The following PCDHGA1 variants were observed in gnomAD, a reference collection of about 807,000 sequenced individuals.
The protein encoded by PCDHGA1 is protocadherin gamma subfamily A, 1.
PCDHGA1 carries 32 observed loss-of-function variants against 58.0 expected under a neutral mutation model. The observed-to-expected ratio is 0.55, with a 90% CI of 0.42 to 0.74. The LOEUF (loss-of-function observed/expected upper bound fraction) is 0.74. Ranked by LOEUF, PCDHGA1 falls within the 30% of genes least tolerant of loss-of-function variation. PCDHGA1 has a pLI of 0.00. For missense variants in PCDHGA1, 1,205 were observed against 1,182.3 expected (o/e 1.02, Z -0.28); for synonymous variants, 498 against 501.1 (o/e 0.99, Z 0.08).
At chr5:141,428,066 A>T in intron 1 of PCDHGA1, 2 of 1,609,118 alleles carry the variant, frequency 1.2e-6, no homozygotes, top group Non-Finnish European at 1.7e-6. Context: ...CGGTGGACGC[A>T]GATTCGGGAC....
At position 141,486,209 on chromosome 5, in the gene PCDHGA1, A is replaced by G. The variant is rs749965379; in HGVS notation, c.2422-8598A>G. 1.2e-6 allele frequency: 2 copies of G among 1,614,080 alleles called. No homozygotes were observed. The highest frequency in any genetic ancestry group is 1.7e-6 in the Non-Finnish European group (2 of 1,179,988). ...AGTGGATCTGCTGGACGTAAATGAC[A>G]ATGCCCCTTACATCACAGTGACCTC... On this transcript the variant is annotated intron_variant, in intron 1 of 3. Transcript: ENST00000517417. The surrounding 1 kb of genome is among the most constrained non-coding windows in gnomAD (Gnocchi z 5.0).
At position 141,418,204 on chromosome 5, in the gene PCDHGA1, T is replaced by G. The variant is rs1456912993; in HGVS notation, c.2422-76603T>G. ...AAGCTGTGGTGGAAAATCCTTTAAATATTTTTCATGTCATTGTGGTGATTG... is the reference window on the plus strand; with the variant it reads ...AAGCTGTGGTGGAAAATCCTTTAAAGATTTTTCATGTCATTGTGGTGATTG... On this transcript the variant is annotated intron_variant, in intron 1 of 3. Transcript: ENST00000517417. The G allele has an allele frequency of 2.5e-6, 4 of 1,614,054 alleles. No homozygotes were observed. The East Asian group carries it at 8.9e-5, about 36-fold the overall frequency.
intron 1 of PCDHGA1, among the ~76,000 whole-genome samples, chr5:141,447,724 A>T (rs2098549653): frequency 6.6e-6 from 1 of 152,126 alleles, no homozygotes. Flanking sequence ...ATTTTCCAAA[A>T]CTCATTGAAC....
intron 1 of PCDHGA1, chr5:141,383,115 G>T: frequency 6.2e-7 from 1 of 1,614,078 alleles, no homozygotes; most frequent in Non-Finnish European, 8.5e-7. Flanking sequence ...GAGGTAGGAC[G>T]CAGCTTTTCG....
At chr5:141,423,712 T>C (rs1231796741) in intron 1 of PCDHGA1, 2 of 1,313,518 alleles carry the variant, frequency 1.5e-6, no homozygotes, top group Admixed American at 3.2e-5. Flanking sequence ...CACAAGTCTT[T>C]TAAGGAGATG....
chr5:141,419,415 C>A, intron 1 of PCDHGA1: 2 of 1,613,434 alleles, frequency 1.2e-6, no homozygotes, highest in Non-Finnish European at 1.7e-6. Flanking sequence ...GCGCAGCGCG[C>A]CTTCGACCAC....
At chr5:141,418,876 C>A (rs917800201) in intron 1 of PCDHGA1, 1 of 1,613,844 alleles carries the variant, frequency 6.2e-7, no homozygotes. Context: ...AAGTTGTAGA[C>A]GAAAACGACA....
At chr5:141,413,330 T>C (rs770842309) in intron 1 of PCDHGA1, 1 of 1,613,930 alleles carries the variant, frequency 6.2e-7, no homozygotes. Context: ...GTGGGCAACA[T>C]CTCCAAGGAC....
At chr5:141,355,372 G>A (rs554075435) in intron 1 of PCDHGA1, 1 of 1,614,030 alleles carries the variant, frequency 6.2e-7, no homozygotes, top group African/African-American at 1.3e-5. Context: ...GGCGCCCCGG[G>A]AGCTGGCGGA....
chr5:141,420,968 T>A (rs1031890748), intron 1 of PCDHGA1: 1 of 441,548 alleles, frequency 2.3e-6, no homozygotes, highest in Non-Finnish European at 4.0e-6. Context: ...GTTGCAATAA[T>A]AAGAATGGGC....
chr5:141,419,561 G>T, intron 1 of PCDHGA1: 1 of 1,611,846 alleles, frequency 6.2e-7, no homozygotes. Flanking sequence ...CCCTGCGCTG[G>T]GTCCCGACGG....
In PCDHGA1 at chr5:141,404,421, C is replaced by G. The variant is rs199749783; in HGVS notation, c.2421+71316C>G. On this transcript the variant is annotated intron_variant, in intron 1 of 3. Coordinates refer to ENST00000517417, the MANE Select transcript of PCDHGA1 (RefSeq NM_018912.3). ...AATGAGAATTCTAGAGTTATTTACT[C>G]CTTGGCAGAGGATACCATCCAAGGG... 462 of 1,613,692 alleles carry G rather than the reference C, an allele frequency of 2.9e-4. 1 individual carries two copies. The African/African-American group carries it at 5.5e-3, about 19-fold the overall frequency.
intron 1 of PCDHGA1, chr5:141,376,960 T>C (rs1773581564): frequency 6.1e-6 from 1 of 162,766 alleles, no homozygotes; most frequent in Admixed American, 5.9e-5. Context: ...GTGCTGGGAT[T>C]ACAGGCGTGA....
intron 1 of PCDHGA1, chr5:141,346,368 C>G (rs1318566954): frequency 6.2e-7 from 1 of 1,614,254 alleles, no homozygotes; most frequent in Non-Finnish European, 8.5e-7. Context: ...TGCGGACACG[C>G]TCATCAGCCA....
chr5:141,413,211 G>A, intron 1 of PCDHGA1: 1 of 1,613,214 alleles, frequency 6.2e-7, no homozygotes, highest in South Asian at 1.1e-5. Context: ...AGGAATCAAA[G>A]GATTGCAGCG....
chr5:141,404,167 G>C, intron 1 of PCDHGA1: 1 of 1,612,946 alleles, frequency 6.2e-7, no homozygotes, highest in South Asian at 1.1e-5. Context: ...ACAGATTGTT[G>C]ACGGCCCAAA....
chr5:141,408,777 C>T (rs1019825842), intron 1 of PCDHGA1: 22 of 1,611,714 alleles, frequency 1.4e-5, no homozygotes, highest in Non-Finnish European at 1.8e-5. Context: ...GGCAAATACC[C>T]AGAGTTATCT....
Position 141,438,619 on chromosome 5 carries a change from T to C in PCDHGA1, c.2422-56188T>C, listed in dbSNP as rs1053855444. Reference sequence around the variant, plus strand: ...ATATATATATATATATATATATATATATATATATATATATATACACACACA... The same window carrying C: ...ATATATATATATATATATATATATACATATATATATATATATACACACACA... On this transcript the variant is annotated intron_variant, in intron 1 of 3. Transcript: ENST00000517417. 1.0e-4 allele frequency among the ~76,000 whole-genome samples: 4 copies of C among 39,678 alleles called. No homozygotes were observed. The East Asian group carries it at 2.5e-3, about 25-fold the overall frequency. The allele number at this position is 39,678 out of a possible 152,430, so 26.0% of individuals were successfully genotyped here.
chr5:141,466,581 T>C (rs1426600962), intron 1 of PCDHGA1, among the ~76,000 whole-genome samples: 2 of 152,198 alleles, frequency 1.3e-5, no homozygotes, highest in Non-Finnish European at 2.9e-5. Flanking sequence ...GTCTCATCCC[T>C]TCTTAAAACA....
Sources: allele counts gnomAD v4.1 joint callset (sites outside exome capture counted in the v4.1 genomes callset), GRCh38; gene constraint gnomAD v4.1.1; non-coding constraint Gnocchi (gnomAD v3.1); transcripts MANE v1.5; gene names NCBI Gene and HGNC (gene_info 2026-07-23, HGNC 2026-07-21).